Variants in DPH6 observed in about 807,000 individuals in gnomAD.
The protein encoded by DPH6 is diphthamine biosynthesis 6, also known as diphthine--ammonia ligase.
A neutral mutation model predicts 38.2 loss-of-function variants in DPH6; 33 were observed. The ratio of observed to expected loss-of-function variants is 0.86; its 90% confidence interval spans 0.65 to 1.15. The LOEUF is 1.15. DPH6 is among the 50% of genes most tolerant of loss of function. The probability of loss-of-function intolerance (pLI) is 0.00; values close to 1 mark genes in which losing one functional copy is unlikely to be tolerated. For missense variants in DPH6, 325 were observed against 320.0 expected (o/e 1.02, Z -0.12); for synonymous variants, 108 against 103.0 (o/e 1.05, Z -0.30).
chr15:35,301,108 C>A (rs2052051822), intron 3 of DPH6, among the ~76,000 whole-genome samples: 1 of 152,180 alleles, frequency 6.6e-6, no homozygotes, highest in African/African-American at 2.4e-5. Context: ...CACTAAATCA[C>A]ACTAATTATT....
rs1391554631 is a variant in DPH6, at chr15:35,242,837, C to T, written n.201-22255G>A. Among the ~76,000 whole-genome samples the T allele has an allele frequency of 7.7e-5, 11 of 141,990 alleles. 3 individuals are homozygous for T. Among genetic ancestry groups the T allele is most frequent in the Admixed American group, 1.5e-4 (2 of 12,962 alleles). 93.2% of individuals were successfully genotyped at this position (141,990 alleles called of 152,430 possible). Reference sequence around the variant, plus strand: ...TCGACTGTGCCCCCAAATAACTTGTCATCCCTACTATCTTCTGTCTAGTCA... The same window carrying T: ...TCGACTGTGCCCCCAAATAACTTGTTATCCCTACTATCTTCTGTCTAGTCA... On this transcript the variant is annotated intron_variant and non_coding_transcript_variant, in intron 3 of 3. Transcript: ENST00000560386.
intron 3 of DPH6, among the ~76,000 whole-genome samples, chr15:35,473,485 A>G (rs1001807993): frequency 2.2e-4 from 31 of 143,652 alleles, no homozygotes; most frequent in Non-Finnish European, 4.5e-4. Flanking sequence ...AAACTGCCCA[A>G]TTATCTCAAT....
At chr15:35,187,115 C>T in the DPH6 span, among the ~76,000 whole-genome samples, 29 of 152,112 alleles carry the variant, frequency 1.9e-4, no homozygotes, top group Non-Finnish European at 3.4e-4. Context: ...TTAATATCTA[C>T]CTCATTAAGT....
the DPH6 span, among the ~76,000 whole-genome samples, chr15:35,195,258 A>G: frequency 6.6e-6 from 1 of 152,102 alleles, no homozygotes; most frequent in African/African-American, 2.4e-5. Flanking sequence ...TCATTTTTTT[A>G]TAGCCAAATA....
the DPH6 span, among the ~76,000 whole-genome samples, chr15:35,149,983 C>G: frequency 6.6e-6 from 1 of 152,168 alleles, no homozygotes; most frequent in African/African-American, 2.4e-5. Context: ...ACTACATATG[C>G]GATCCCGATG....
At chr15:35,284,785 T>C (rs1454315720) in intron 3 of DPH6, among the ~76,000 whole-genome samples, 1 of 144,170 alleles carries the variant, frequency 6.9e-6, no homozygotes, top group Non-Finnish European at 1.5e-5. Flanking sequence ...GGAAAATTCA[T>C]GGGTGAAGTC....
intron 3 of DPH6, among the ~76,000 whole-genome samples, chr15:35,527,392 A>G (rs888876670): frequency 6.6e-5 from 10 of 152,328 alleles, no homozygotes; most frequent in Admixed American, 3.9e-4. Context: ...AATGCCTATT[A>G]TAGTCTAGGA....
Position 35,402,772 on chromosome 15 carries a change from T to C in DPH6, c.567+8063A>G, listed in dbSNP as rs72703183. ...TGTATTCTTTAACCCAGAAATTATATTCCTAGGAACTTAAGAAAATAACCA... is the reference window on the plus strand; with the variant it reads ...TGTATTCTTTAACCCAGAAATTATACTCCTAGGAACTTAAGAAAATAACCA... On this transcript the variant is annotated intron_variant, in intron 6 of 8. Transcript: ENST00000256538. 1.7e-3 allele frequency among the ~76,000 whole-genome samples: 261 copies of C among 152,118 alleles called. 1 individual carries two copies. The highest frequency in any genetic ancestry group is 4.3e-3 in the East Asian group (22 of 5,166).
At chr15:35,472,117 A>G (rs778390258) in intron 3 of DPH6, among the ~76,000 whole-genome samples, 3 of 152,212 alleles carry the variant, frequency 2.0e-5, no homozygotes, top group Non-Finnish European at 4.4e-5. Flanking sequence ...ACAAAAAAAT[A>G]AAGTTGAACT....
chr15:35,384,272 T>A (rs574746473), intron 6 of DPH6, among the ~76,000 whole-genome samples: 5 of 152,334 alleles, frequency 3.3e-5, no homozygotes, highest in African/African-American at 1.2e-4. Flanking sequence ...AAAGTTTAAT[T>A]TCTCAATGAA....
the DPH6 span, among the ~76,000 whole-genome samples, chr15:35,173,687 C>T: frequency 6.6e-6 from 1 of 152,132 alleles, no homozygotes; most frequent in Non-Finnish European, 1.5e-5. Context: ...ATGCCCCACC[C>T]CTCACTCATT....
intron 6 of DPH6, among the ~76,000 whole-genome samples, chr15:35,402,882 A>T (rs2053239223): frequency 6.6e-6 from 1 of 152,108 alleles, no homozygotes; most frequent in African/African-American, 2.4e-5. Flanking sequence ...TTCCAACAAC[A>T]GATAACTTAT....
chr15:35,243,872 C>T (rs1267709966), intron 3 of DPH6, among the ~76,000 whole-genome samples: 1 of 152,166 alleles, frequency 6.6e-6, no homozygotes, highest in Non-Finnish European at 1.5e-5. Context: ...ATTATTTATA[C>T]ACAAATTTTA....
intron 5 of DPH6, among the ~76,000 whole-genome samples, chr15:35,438,463 G>A (rs1223623064): frequency 6.6e-6 from 1 of 152,174 alleles, no homozygotes. Context: ...AGAGGCGGAT[G>A]AATCTTTCTC....
At chr15:35,389,731 G>A (rs2053026544) in intron 6 of DPH6, among the ~76,000 whole-genome samples, 1 of 152,114 alleles carries the variant, frequency 6.6e-6, no homozygotes, top group South Asian at 2.1e-4. Flanking sequence ...GAGCCTGTGT[G>A]TGTCTCTGCA....
chr15:35,478,398 CACACACAA>C (rs1242928301), intron 3 of DPH6, among the ~76,000 whole-genome samples: 15 of 150,816 alleles, frequency 9.9e-5, no homozygotes, highest in South Asian at 8.4e-4. Flanking sequence ...CACACACACA[CACACACAA>C]AGATTGTAAA....
intron 7 of DPH6, among the ~76,000 whole-genome samples, chr15:35,377,256 T>A (rs960019282): frequency 5.3e-5 from 8 of 152,156 alleles, no homozygotes; most frequent in African/African-American, 1.9e-4. Context: ...AAAATGAGGA[T>A]AAAGTGTTTT....
chr15:35,295,176 C>G (rs1016906169), intron 3 of DPH6, among the ~76,000 whole-genome samples: 4 of 152,176 alleles, frequency 2.6e-5, no homozygotes, highest in African/African-American at 4.8e-5. Flanking sequence ...CAAAACTAAC[C>G]AGGCCCACAT....
At chr15:35,202,720 G>A in the DPH6 span, among the ~76,000 whole-genome samples, 10 of 151,728 alleles carry the variant, frequency 6.6e-5, no homozygotes, top group African/African-American at 2.4e-4. Context: ...TCTAAGATCA[G>A]GTGATACCAT....
Sources: gnomAD v4.1 joint callset for allele counts (sites outside exome capture counted in the v4.1 genomes callset) on GRCh38, gnomAD v4.1.1 for gene constraint, MANE v1.5 for transcripts, NCBI Gene and HGNC (gene_info 2026-07-23, HGNC 2026-07-21) for gene names.